Variants in HIPK2 observed in about 807,000 individuals in gnomAD.
The protein encoded by HIPK2 is homeodomain interacting protein kinase 2.
A neutral mutation model predicts 113.7 loss-of-function variants in HIPK2; 27 were observed. The ratio of observed to expected loss-of-function variants is 0.24; its 90% confidence interval spans 0.17 to 0.33. The LOEUF (loss-of-function observed/expected upper bound fraction) is 0.33. Ranked by LOEUF, HIPK2 falls within the 10% of genes least tolerant of loss-of-function variation. The pLI, the probability that HIPK2 is intolerant of heterozygous loss-of-function variation, is 1.00. For synonymous variants in HIPK2, 631 were observed against 642.2 expected (o/e 0.98, Z 0.26); for missense variants, 1,257 against 1,588.0 (o/e 0.79, Z 3.54).
At chr7:139,701,709 G>A (rs1444478447) in intron 2 of HIPK2, among the ~76,000 whole-genome samples, 1 of 152,186 alleles carries the variant, frequency 6.6e-6, no homozygotes, top group Non-Finnish European at 1.5e-5. Flanking sequence ...ATGGATAAAT[G>A]AATAAGAAGA....
At chr7:139,661,537 A>C (rs1419852276) in intron 2 of HIPK2, among the ~76,000 whole-genome samples, 2 of 152,142 alleles carry the variant, frequency 1.3e-5, no homozygotes, top group African/African-American at 4.8e-5. Flanking sequence ...ACTACCCTTC[A>C]CATCAAAAGT....
chr7:139,563,569 GT>G lies in HIPK2; in HGVS notation c.*9357del. 1 of 354,730 alleles carries G rather than the reference GT, an allele frequency of 2.8e-6. No homozygotes were observed. Among genetic ancestry groups the G allele is most frequent in the Non-Finnish European group, 5.0e-6 (1 of 199,816 alleles). The allele number at this position is 354,730 out of a possible 1,614,324, so 22.0% of individuals were successfully genotyped here. A position where few individuals can be genotyped will look rare whatever the true frequency, so the allele number is the denominator to read the frequency against. On this transcript the variant is annotated 3_prime_UTR_variant, in exon 15 of 15. Transcript: ENST00000406875. ...CAAATGAACAAAAGGCAATTTCTAT[GT>G]TTTAAAAATATAAGCCCCAAAAACA...
In HIPK2 at chr7:139,597,248, G is replaced by A. The variant is rs1413430785; in HGVS notation, c.2436-250C>T. 2.6e-5 allele frequency among the ~76,000 whole-genome samples: 4 copies of A among 152,194 alleles called. No homozygotes were observed. In the East Asian group the frequency reaches 5.8e-4, roughly 22 times the overall value. ...GACAAAGGGAGCAGCCAGGGCTTTC[G>A]GAGCAGGGAGGGGGCTCTTGTGCCC... is the stretch of plus-strand genomic sequence containing the variant. On this transcript the variant is annotated intron_variant, in intron 11 of 14. Coordinates refer to ENST00000406875, the MANE Select transcript of HIPK2 (RefSeq NM_022740.5).
At chr7:139,576,503 T>C (rs2116490445) in intron 13 of HIPK2, among the ~76,000 whole-genome samples, 1 of 152,248 alleles carries the variant, frequency 6.6e-6, no homozygotes, top group East Asian at 1.9e-4. Context: ...CTGAGCTGGA[T>C]GGCTTCCATG....
chr7:139,756,826 A>G (rs1352457633), intron 1 of HIPK2, among the ~76,000 whole-genome samples: 3 of 152,176 alleles, frequency 2.0e-5, no homozygotes, highest in Non-Finnish European at 1.5e-5. Context: ...TGCATCAACT[A>G]TACTCTCCCA....
intron 2 of HIPK2, among the ~76,000 whole-genome samples, chr7:139,632,982 G>A (rs907788003): frequency 2.6e-5 from 4 of 151,156 alleles, no homozygotes; most frequent in Admixed American, 1.3e-4. Context: ...TATAGTCCCA[G>A]CTACCTGGGA....
chr7:139,604,463 C>T lies in HIPK2; in HGVS notation c.2113-240G>A, dbSNP rs186582753. On this transcript the variant is annotated intron_variant, in intron 9 of 14. Coordinates refer to ENST00000406875, the MANE Select transcript of HIPK2 (RefSeq NM_022740.5). ...TTGGGAGGCTGAGGAGAGCGGATCACGAGGTCAGGAGATCCAGACCATCCT... is the reference window on the plus strand; with the variant it reads ...TTGGGAGGCTGAGGAGAGCGGATCATGAGGTCAGGAGATCCAGACCATCCT... Among the ~76,000 whole-genome samples, 370 of 152,058 alleles carry T rather than the reference C, an allele frequency of 2.4e-3. 4 individuals are homozygous for T. The highest frequency in any genetic ancestry group is 8.4e-3 in the African/African-American group (347 of 41,484).
At chr7:139,684,244 C>T (rs1255703280) in intron 2 of HIPK2, among the ~76,000 whole-genome samples, 1 of 152,112 alleles carries the variant, frequency 6.6e-6, no homozygotes, top group Non-Finnish European at 1.5e-5. Flanking sequence ...TGAGCTGTTC[C>T]CCCATCTCTC....
intron 1 of HIPK2, among the ~76,000 whole-genome samples, chr7:139,744,892 A>C (rs1796165309): frequency 6.6e-6 from 1 of 152,248 alleles, no homozygotes; most frequent in Admixed American, 6.5e-5. Flanking sequence ...CCCTGGACAA[A>C]GGATCACTGA....
At chr7:139,658,846 C>G (rs1336031736) in intron 2 of HIPK2, among the ~76,000 whole-genome samples, 4 of 152,244 alleles carry the variant, frequency 2.6e-5, no homozygotes, top group Non-Finnish European at 5.9e-5. Context: ...CACTGCACTA[C>G]TAGTCTTTCT....
At chr7:139,718,593 G>A (rs1041075356) in intron 1 of HIPK2, among the ~76,000 whole-genome samples, 3 of 152,128 alleles carry the variant, frequency 2.0e-5, no homozygotes, top group African/African-American at 4.8e-5. Flanking sequence ...AAAAGTTCCC[G>A]ATTCTCATGA....
chr7:139,690,693 T>C (rs1794379696), intron 2 of HIPK2, among the ~76,000 whole-genome samples: 1 of 151,914 alleles, frequency 6.6e-6, no homozygotes, highest in South Asian at 2.1e-4. Context: ...TAAATACAAA[T>C]TTAAAGAGCC....
intron 2 of HIPK2, among the ~76,000 whole-genome samples, chr7:139,637,863 G>C (rs1252410102): frequency 6.6e-6 from 1 of 152,144 alleles, no homozygotes; most frequent in Non-Finnish European, 1.5e-5. Context: ...GCCCAAGGAG[G>C]AGCAGAAGCT....
chr7:139,739,599 A>T (rs1316085952), intron 1 of HIPK2, among the ~76,000 whole-genome samples: 1 of 149,724 alleles, frequency 6.7e-6, no homozygotes, highest in Non-Finnish European at 1.5e-5. Context: ...AAAAAAAAAA[A>T]GGTATAGTTC....
At chr7:139,760,850 C>T (rs1176134028) in intron 1 of HIPK2, among the ~76,000 whole-genome samples, 1 of 152,152 alleles carries the variant, frequency 6.6e-6, no homozygotes, top group Non-Finnish European at 1.5e-5. Flanking sequence ...ATACCATTGT[C>T]CCATACCACT....
intron 1 of HIPK2, among the ~76,000 whole-genome samples, chr7:139,762,371 C>T (rs112380662): frequency 0.017 from 2,652 of 152,256 alleles, 69 homozygotes; most frequent in African/African-American, 0.059. Flanking sequence ...GCTGAAATGC[C>T]TCCTCAAGCA....
At position 139,715,923 on chromosome 7, in the gene HIPK2, C is replaced by T. The variant is rs375813649; in HGVS notation, c.1103+9G>A. ...TCAGCAGCTCCTGTCTCCTTGTGGACGGTCTTACCTGTAATATCTGGACTG... is the reference window on the plus strand; with the variant it reads ...TCAGCAGCTCCTGTCTCCTTGTGGATGGTCTTACCTGTAATATCTGGACTG... On this transcript the variant is annotated intron_variant, in intron 2 of 14. Coordinates refer to ENST00000406875, the MANE Select transcript of HIPK2 (RefSeq NM_022740.5). The T allele has an allele frequency of 2.5e-5, 41 of 1,608,236 alleles. No homozygotes were observed. The highest frequency in any genetic ancestry group is 1.7e-4 in the Middle Eastern group (1 of 6,038).
intron 11 of HIPK2, among the ~76,000 whole-genome samples, chr7:139,599,523 G>A (rs1799346406): frequency 6.6e-6 from 1 of 152,130 alleles, no homozygotes; most frequent in South Asian, 2.1e-4. Flanking sequence ...TTTTCAAAGT[G>A]TTCATTGAGA....
chr7:139,643,516 A>G (rs567183231), intron 2 of HIPK2, among the ~76,000 whole-genome samples: 33 of 152,316 alleles, frequency 2.2e-4, no homozygotes, highest in African/African-American at 7.9e-4. Flanking sequence ...TGCATCTGCA[A>G]CTGAAATGAA....
Sources: gnomAD v4.1 joint callset for allele counts (sites outside exome capture counted in the v4.1 genomes callset) on GRCh38, gnomAD v4.1.1 for gene constraint, MANE v1.5 for transcripts, NCBI Gene and HGNC (gene_info 2026-07-23, HGNC 2026-07-21) for gene names.